The following EPHA4 variants were observed in gnomAD, a reference collection of about 807,000 sequenced individuals.
The protein encoded by EPHA4 is ephrin type-A receptor 4.
A neutral mutation model predicts 108.3 loss-of-function variants in EPHA4; 19 were observed. The ratio of observed to expected loss-of-function variants is 0.18; its 90% CI spans 0.12 to 0.26. The LOEUF is 0.26. Among genes scored for constraint, EPHA4 ranks in the 10% least tolerant of loss-of-function variants. The pLI, the probability that EPHA4 is intolerant of heterozygous loss-of-function variation, is 1.00. For synonymous variants in EPHA4, 449 were observed against 455.5 expected (o/e 0.99, Z 0.18); for missense variants, 917 against 1,254.0 (o/e 0.73, Z 4.06).
At position 221,571,507 on chromosome 2, in the gene EPHA4, C is replaced by T. The variant is rs1290292123; in HGVS notation, c.91+651G>A. On this transcript the variant is annotated intron_variant, in intron 1 of 17. Coordinates refer to ENST00000281821, the MANE Select transcript of EPHA4 (RefSeq NM_004438.5). The surrounding 1 kb of genome is among the most constrained non-coding windows in gnomAD (Gnocchi z 6.3). ...CTGCGTTCAACTTGCCGGCGGGTTCCCCAAGTCTGCGGGGCGAAGAGCTCG... is the reference window on the plus strand; with the variant it reads ...CTGCGTTCAACTTGCCGGCGGGTTCTCCAAGTCTGCGGGGCGAAGAGCTCG... Among the ~76,000 whole-genome samples the T allele has an allele frequency of 1.3e-5, 2 of 152,250 alleles. No individual in the cohort carries two copies. Among genetic ancestry groups the T allele is most frequent in the African/African-American group, 2.4e-5 (1 of 41,466 alleles).
intron 3 of EPHA4, among the ~76,000 whole-genome samples, chr2:221,541,843 C>T (rs2106191385): frequency 6.6e-6 from 1 of 152,282 alleles, no homozygotes; most frequent in South Asian, 2.1e-4. Flanking sequence ...GATAGGCACC[C>T]AGACGTTACC....
intron 3 of EPHA4, among the ~76,000 whole-genome samples, chr2:221,563,266 G>A (rs1045315738): frequency 1.3e-5 from 2 of 152,122 alleles, no homozygotes; most frequent in African/African-American, 2.4e-5. Context: ...TTAGTCAGTG[G>A]GAGGGAACTG....
At chr2:221,538,045 G>A (rs963826310) in intron 3 of EPHA4, among the ~76,000 whole-genome samples, 8 of 140,754 alleles carry the variant, frequency 5.7e-5, no homozygotes, top group African/African-American at 2.0e-4. Context: ...ACTCTTTTGT[G>A]TAAGTATACT....
chr2:221,458,926 C>T (rs1486092855), intron 5 of EPHA4, among the ~76,000 whole-genome samples: 2 of 152,176 alleles, frequency 1.3e-5, no homozygotes, highest in African/African-American at 4.8e-5. Context: ...AGCTTCCTAA[C>T]TCCAATGTAT....
chr2:221,528,459 C>A (rs1175513401), intron 3 of EPHA4, among the ~76,000 whole-genome samples: 1 of 152,198 alleles, frequency 6.6e-6, no homozygotes, highest in Non-Finnish European at 1.5e-5. Flanking sequence ...AAATCCCAGC[C>A]ACCAACTGCT....
At position 221,418,692 on chromosome 2, in the gene EPHA4, G is replaced by A. The variant is rs1689653509; in HGVS notation, c.*2680C>T. On this transcript the variant is annotated 3_prime_UTR_variant, in exon 18 of 18. Transcript: ENST00000281821. ...CTGCATACACAAGGTGAAGCTACTTGATTTGGTGCAGCGGGGTAGTTTCCC... is the reference window on the plus strand; with the variant it reads ...CTGCATACACAAGGTGAAGCTACTTAATTTGGTGCAGCGGGGTAGTTTCCC... The A allele has an allele frequency of 6.6e-6, 1 of 152,368 alleles. No homozygotes were observed. The highest frequency in any genetic ancestry group is 6.5e-5 in the Admixed American group (1 of 15,288). The allele number at this position is 152,368 out of a possible 1,614,324, so 9.4% of individuals were successfully genotyped here.
In EPHA4 at chr2:221,539,522, C is replaced by G. The variant is rs150848365; in HGVS notation, c.823+24209G>C. 1.6e-4 allele frequency among the ~76,000 whole-genome samples: 25 copies of G among 152,140 alleles called. No homozygotes were observed. The East Asian group carries it at 4.1e-3, about 25-fold the overall frequency. On this transcript the variant is annotated intron_variant, in intron 3 of 17. Transcript: ENST00000281821. Reference sequence around the variant, plus strand: ...TGCAAAATTGTGACCAGCAGGAGGGCCTTTGGGGCAGGGTAAATTGTGTAG... The same window carrying G: ...TGCAAAATTGTGACCAGCAGGAGGGGCTTTGGGGCAGGGTAAATTGTGTAG...
At chr2:221,433,968 CT>C (rs1459325423) in intron 14 of EPHA4, among the ~76,000 whole-genome samples, 173 bp downstream of exon 14, 1 of 152,130 alleles carries the variant, frequency 6.6e-6, no homozygotes, top group Non-Finnish European at 1.5e-5. Flanking sequence ...AATTCTTGTC[CT>C]TGAAATCAAT....
At chr2:221,554,474 A>G (rs933268172) in intron 3 of EPHA4, among the ~76,000 whole-genome samples, 8 of 152,198 alleles carry the variant, frequency 5.3e-5, no homozygotes, top group Non-Finnish European at 1.2e-4. Context: ...GGTTTCAACC[A>G]GAGTTAAGTT....
chr2:221,432,058 A>T (rs1467071446), intron 14 of EPHA4, among the ~76,000 whole-genome samples: 2 of 151,834 alleles, frequency 1.3e-5, no homozygotes, highest in South Asian at 4.1e-4. Flanking sequence ...ATGGCTTCAG[A>T]TGCCTTTTCG....
At position 221,561,205 on chromosome 2, in the gene EPHA4, G is replaced by A. The variant is rs556582610; in HGVS notation, c.823+2526C>T. ...TGCAGTGAGCCAAGATCGCGCCACT[G>A]CACTCCAGCCTGGGCGATGGAGCTA... On this transcript the variant is annotated intron_variant, in intron 3 of 17. Transcript: ENST00000281821. Among the ~76,000 whole-genome samples the A allele has an allele frequency of 4.6e-5, 7 of 152,180 alleles. No homozygotes were observed. In the South Asian group the frequency reaches 1.5e-3, roughly 32 times the overall value.
chr2:221,535,299 G>A (rs1242170369), intron 3 of EPHA4, among the ~76,000 whole-genome samples: 1 of 152,148 alleles, frequency 6.6e-6, no homozygotes, highest in Non-Finnish European at 1.5e-5. Flanking sequence ...TGTTAAAAGT[G>A]TACATTTGTA....
In EPHA4 at chr2:221,426,453, T is replaced by G. The variant is rs771793295; in HGVS notation, c.2846+11A>C. 1 of 1,590,266 alleles carries G rather than the reference T, an allele frequency of 6.3e-7. No individual in the cohort carries two copies. Among genetic ancestry groups the G allele is most frequent in the East Asian group, 2.2e-5 (1 of 44,734 alleles). On this transcript the variant is annotated intron_variant, in intron 16 of 17. Coordinates refer to ENST00000281821, the MANE Select transcript of EPHA4 (RefSeq NM_004438.5). ...GATTTACCCTTTCGTGTTACATCGT[T>G]GAGTACTTACTCCTGGTTCACGTGC...
At chr2:221,570,929 GGATA>G (rs935779025) in intron 1 of EPHA4, among the ~76,000 whole-genome samples, 1 of 152,098 alleles carries the variant, frequency 6.6e-6, no homozygotes, top group African/African-American at 2.4e-5. Context: ...ATGGACGGAC[GGATA>G]GATAGATGGA....
intron 3 of EPHA4, among the ~76,000 whole-genome samples, chr2:221,535,589 T>C (rs889354003): frequency 1.4e-5 from 2 of 144,634 alleles, no homozygotes; most frequent in African/African-American, 5.7e-5. Context: ...TTTTTTCTGT[T>C]TTTTTTCCTC....
intron 14 of EPHA4, among the ~76,000 whole-genome samples, chr2:221,431,367 G>GA (rs1177656692): frequency 2.0e-5 from 3 of 152,196 alleles, no homozygotes; most frequent in Admixed American, 6.5e-5. Context: ...GCCTTCGAAA[G>GA]AAAAGAGTCT....
intron 11 of EPHA4, among the ~76,000 whole-genome samples, chr2:221,441,041 C>T (rs1036797300): frequency 1.3e-5 from 2 of 152,086 alleles, no homozygotes; most frequent in African/African-American, 4.8e-5. Flanking sequence ...ACAAGCTTTC[C>T]AGAAGATTCT....
chr2:221,572,320 C>G, upstream of EPHA4: 2 of 1,397,994 alleles, frequency 1.4e-6, no homozygotes, highest in Non-Finnish European at 2.0e-6. Context: ...AGGAGAGCAG[C>G]GGGCTGAAGA....
Position 221,429,962 on chromosome 2 carries a change from A to G in EPHA4, c.2686T>C (p.Ser896Pro). 6.2e-7 allele frequency: 1 copy of G among 1,613,836 alleles called. No homozygotes were observed. The highest frequency in any genetic ancestry group is 8.5e-7 in the Non-Finnish European group (1 of 1,179,924). The change falls in exon 15 of 18, where the codon TCC becomes CCC. Residue 896 changes from serine to proline, a missense_variant. By Grantham distance (74) the Ser-to-Pro change is moderately conservative (BLOSUM62 -1). Around this residue, in one of 3 missense-constraint regions of EPHA4, gnomAD observed 133 missense variants for 132.8 expected, o/e 1.00. Transcript: ENST00000281821. ...TATTAAGTAAGCATGGCTGACCTGG[A>G]GCTCTCCGTCCCTGTCCTCTTCAAG... ...NSLKRTGTES[S>P]RPNTALLDPS...
Sources: allele counts gnomAD v4.1 joint callset (sites outside exome capture counted in the v4.1 genomes callset), GRCh38; gene constraint gnomAD v4.1.1; regional missense constraint gnomAD v4.1.1; non-coding constraint Gnocchi (gnomAD v3.1); transcripts MANE v1.5; gene names NCBI Gene and HGNC (gene_info 2026-07-23, HGNC 2026-07-21).